The following GRM7 variants were observed in gnomAD, a reference collection of about 807,000 sequenced individuals.
GRM7 encodes glutamate metabotropic receptor 7.
Under a neutral mutation model 84.5 loss-of-function variants are expected in GRM7, and 35 were observed. The ratio of observed to expected loss-of-function variants is 0.41; its 90% confidence interval spans 0.32 to 0.55. The LOEUF (loss-of-function observed/expected upper bound fraction) is 0.55, where lower values mean the gene tolerates loss of function less well. Among genes scored for constraint, GRM7 ranks in the 20% least tolerant of loss-of-function variants. The pLI is 0.19. For missense variants in GRM7, 1,003 were observed against 1,194.6 expected, an observed-to-expected ratio of 0.84 and a Z score of 2.36; for synonymous variants, 487 against 455.1, an observed-to-expected ratio of 1.07 and a Z score of -0.89.
At chr3:7,179,072 C>T (rs968836084) in intron 2 of GRM7, among the ~76,000 whole-genome samples, 1 of 152,146 alleles carries the variant, frequency 6.6e-6, no homozygotes, top group East Asian at 1.9e-4. Context: ...TGCCACTGCA[C>T]TCTAGCCTGA....
intron 7 of GRM7, among the ~76,000 whole-genome samples, chr3:7,510,136 C>T (rs571381520): frequency 6.6e-6 from 1 of 152,240 alleles, no homozygotes; most frequent in Admixed American, 6.5e-5. Flanking sequence ...TAGTCCCTAC[C>T]TTTCCCCCAG....
Position 6,861,762 on chromosome 3 carries a change from C to T in GRM7, c.374C>T (p.Ala125Val), listed in dbSNP as rs1288526507. The change falls in exon 1 of 10, where the codon GCG becomes GTG. Residue 125 changes from alanine (A) to valine (V), a missense_variant. Physicochemically the swap from Ala to Val is moderately conservative, Grantham distance 64 (BLOSUM62 0). This residue lies in a region of GRM7 where 910 missense variants were observed against 1,126.0 expected (regional missense o/e 0.81). Transcript: ENST00000357716. The surrounding 1 kb of genome is among the most constrained non-coding windows in gnomAD (Gnocchi z 6.4). ...ALEQSLTFVQALIQKDTSDVR... is the reference protein window; with the variant it reads ...ALEQSLTFVQVLIQKDTSDVR... ...GAACAGTCGCTTACTTTCGTCCAGG[C>T]GCTCATCCAGAAGGACACCTCCGAC... 28 of 1,614,088 alleles carry T rather than the reference C, an allele frequency of 1.7e-5. No homozygotes were observed. The highest frequency in any genetic ancestry group is 2.3e-5 in the Non-Finnish European group (27 of 1,180,046).
chr3:7,485,664 G>C (rs1468288640), intron 7 of GRM7, among the ~76,000 whole-genome samples: 1 of 152,192 alleles, frequency 6.6e-6, no homozygotes, highest in Non-Finnish European at 1.5e-5. Flanking sequence ...GGAAGTTCAG[G>C]AATTTGTGAT....
At chr3:7,531,496 G>A (rs1426337748) in intron 7 of GRM7, among the ~76,000 whole-genome samples, 1 of 152,090 alleles carries the variant, frequency 6.6e-6, no homozygotes, top group African/African-American at 2.4e-5. Context: ...CTTGAGCAGA[G>A]GTTTGTAGTT....
chr3:7,099,365 TACA>T (rs1698986231), intron 1 of GRM7, among the ~76,000 whole-genome samples: 1 of 148,160 alleles, frequency 6.7e-6, no homozygotes, highest in Non-Finnish European at 1.5e-5. Flanking sequence ...TACACATGTA[TACA>T]TATATACATA....
At chr3:7,209,961 C>T (rs558937230) in intron 2 of GRM7, among the ~76,000 whole-genome samples, 1 of 152,234 alleles carries the variant, frequency 6.6e-6, no homozygotes, top group South Asian at 2.1e-4. Flanking sequence ...AAGACCCAAG[C>T]CGTAAAACAT....
At chr3:7,112,446 G>A (rs968958670) in intron 1 of GRM7, among the ~76,000 whole-genome samples, 5 of 151,994 alleles carry the variant, frequency 3.3e-5, no homozygotes, top group Non-Finnish European at 7.4e-5. Flanking sequence ...GGATGGTCTC[G>A]ATCTCCTGAC....
intron 4 of GRM7, among the ~76,000 whole-genome samples, chr3:7,336,733 C>T (rs535997091): frequency 1.4e-4 from 21 of 151,578 alleles, no homozygotes; most frequent in East Asian, 3.9e-4. Flanking sequence ...ATCAGTAGTA[C>T]GGCTATACAC....
intron 9 of GRM7, among the ~76,000 whole-genome samples, chr3:7,708,150 T>G (rs1701453182): frequency 6.6e-6 from 1 of 151,942 alleles, no homozygotes; most frequent in Admixed American, 6.6e-5. Context: ...CTCTTTTTAC[T>G]TTCAAACCTT....
chr3:7,518,639 T>G (rs1325201478), intron 7 of GRM7, among the ~76,000 whole-genome samples: 1 of 152,220 alleles, frequency 6.6e-6, no homozygotes, highest in African/African-American at 2.4e-5. Flanking sequence ...CTGCCAGCTC[T>G]TGTTCCCTGT....
chr3:7,246,426 T>G (rs1010766254), intron 2 of GRM7, among the ~76,000 whole-genome samples: 30 of 152,176 alleles, frequency 2.0e-4, no homozygotes, highest in Non-Finnish European at 5.9e-5. Flanking sequence ...GATTGGCTCC[T>G]GTGTGCATAG....
chr3:7,471,882 G>A (rs925208530), intron 7 of GRM7, among the ~76,000 whole-genome samples: 2 of 152,064 alleles, frequency 1.3e-5, no homozygotes, highest in African/African-American at 2.4e-5. Flanking sequence ...TTCTTAAATG[G>A]GGACTGCTAT....
intron 4 of GRM7, among the ~76,000 whole-genome samples, chr3:7,354,797 G>T (rs1693318946): frequency 6.6e-6 from 1 of 152,192 alleles, no homozygotes; most frequent in Admixed American, 6.6e-5. Flanking sequence ...TACCTGGTAT[G>T]TAACTATTGA....
intron 2 of GRM7, among the ~76,000 whole-genome samples, chr3:7,227,679 T>A (rs999430715): frequency 6.6e-6 from 1 of 152,208 alleles, no homozygotes; most frequent in Admixed American, 6.5e-5. Context: ...AGGTTTCTTT[T>A]CAAAAAAATT....
chr3:7,302,083 G>GT (rs1037056089), intron 3 of GRM7, among the ~76,000 whole-genome samples: 3 of 151,708 alleles, frequency 2.0e-5, no homozygotes, highest in Non-Finnish European at 2.9e-5. Context: ...GAAAATAAAA[G>GT]TTTTTTTATT....
At chr3:7,487,499 G>C (rs962049683) in intron 7 of GRM7, among the ~76,000 whole-genome samples, 23 of 152,150 alleles carry the variant, frequency 1.5e-4, no homozygotes, top group African/African-American at 5.6e-4. Context: ...CCATGAATCT[G>C]CTGCCCAGGA....
At chr3:7,648,373 G>A (rs1314891453) in intron 8 of GRM7, among the ~76,000 whole-genome samples, 1 of 151,964 alleles carries the variant, frequency 6.6e-6, no homozygotes, top group East Asian at 1.9e-4. Context: ...AAGGCCGGGT[G>A]CAGTGGCTCA....
chr3:7,305,759 C>T (rs1190470819), intron 3 of GRM7, among the ~76,000 whole-genome samples: 2 of 152,032 alleles, frequency 1.3e-5, no homozygotes, highest in Non-Finnish European at 2.9e-5. Context: ...TCTGTGGTGC[C>T]TGATACTCCC....
intron 2 of GRM7, among the ~76,000 whole-genome samples, chr3:7,269,038 C>T (rs973301357): frequency 6.6e-6 from 1 of 152,020 alleles, no homozygotes; most frequent in South Asian, 2.1e-4. Context: ...CTTTGCTGTC[C>T]GTGATCTACA....
Sources: allele counts gnomAD v4.1 joint callset (sites outside exome capture counted in the v4.1 genomes callset), GRCh38; gene constraint gnomAD v4.1.1; regional missense constraint gnomAD v4.1.1; non-coding constraint Gnocchi (gnomAD v3.1); transcripts MANE v1.5; gene names NCBI Gene and HGNC (gene_info 2026-07-23, HGNC 2026-07-21).